Variants in NAF1 observed in about 807,000 individuals in gnomAD.
NAF1 encodes nuclear assembly factor 1 ribonucleoprotein.
In NAF1, 11 loss-of-function variants were observed where a neutral mutation model predicts 40.6. The observed-to-expected ratio is 0.27, with a 90% CI of 0.17 to 0.45. The LOEUF (loss-of-function observed/expected upper bound fraction) is 0.45. Ranked by LOEUF, NAF1 falls within the 20% of genes least tolerant of loss-of-function variation. NAF1 has a pLI of 1.00. For missense variants in NAF1, 607 were observed against 611.1 expected (o/e 0.99, Z 0.07); for synonymous variants, 260 against 228.5 (o/e 1.14, Z -1.24).
At chr4:163,154,023 C>A (rs1337411097) in intron 2 of NAF1, among the ~76,000 whole-genome samples, 2 of 152,110 alleles carry the variant, frequency 1.3e-5, no homozygotes, top group African/African-American at 2.4e-5. Flanking sequence ...TAACACTCAC[C>A]GCGAAGGTCT....
intron 2 of NAF1, among the ~76,000 whole-genome samples, chr4:163,161,194 C>T (rs1732203257): frequency 6.6e-6 from 1 of 152,088 alleles, no homozygotes; most frequent in Non-Finnish European, 1.5e-5. Flanking sequence ...TCAATCTGTC[C>T]AGGCACGGTG....
intron 2 of NAF1, among the ~76,000 whole-genome samples, chr4:163,120,157 T>C (rs577660826): frequency 2.0e-5 from 3 of 152,292 alleles, no homozygotes; most frequent in East Asian, 1.9e-4. Context: ...AGTGCAAATG[T>C]TTCCCAGCAC....
chr4:163,144,063 C>A, intron 4 of NAF1: 1 of 946,992 alleles, frequency 1.1e-6, no homozygotes, highest in Non-Finnish European at 1.3e-6. Context: ...CACATCCTAC[C>A]AAACAAGACA....
intron 2 of NAF1, among the ~76,000 whole-genome samples, chr4:163,148,827 T>C (rs895513235): frequency 6.6e-6 from 1 of 152,174 alleles, no homozygotes; most frequent in Admixed American, 6.5e-5. Context: ...ATAAGTTCTT[T>C]TAGCTGTCTT....
chr4:163,130,431 A>G (rs1428490454), intron 7 of NAF1, among the ~76,000 whole-genome samples: 1 of 152,248 alleles, frequency 6.6e-6, no homozygotes, highest in Non-Finnish European at 1.5e-5. Context: ...TGAACATTAC[A>G]ATAACCAAAA....
In NAF1 at chr4:163,129,179, C is replaced by T. The variant is rs1360853221; in HGVS notation, c.1203G>A (p.Met401Ile). 6.2e-7 allele frequency: 1 copy of T among 1,613,804 alleles called. No homozygotes were observed. Among genetic ancestry groups the T allele is most frequent in the African/African-American group, 1.3e-5 (1 of 74,968 alleles). ...GAAATCCTGAAGTCTCCTGAGATACCATATGTTCTGAGTTATAGAAATGCT... is the reference window on the plus strand; with the variant it reads ...GAAATCCTGAAGTCTCCTGAGATACTATATGTTCTGAGTTATAGAAATGCT... ...PPQHFYNSEHMVSQETSGFPS... is the reference protein window; with the variant it reads ...PPQHFYNSEHIVSQETSGFPS... The change falls in exon 8 of 8, where the codon ATG (methionine) becomes ATA (isoleucine). Residue 401 changes from methionine (M) to isoleucine (I), a missense_variant. Physicochemically the swap from Met to Ile is conservative, Grantham distance 10. This residue lies in a region of NAF1 where 189 missense variants were observed against 216.6 expected (regional missense o/e 0.87). Transcript: ENST00000274054.
downstream of NAF1, among the ~76,000 whole-genome samples, chr4:163,107,100 C>T (rs988758089): frequency 2.0e-5 from 3 of 152,106 alleles, no homozygotes; most frequent in African/African-American, 7.2e-5. Context: ...GATTCTCCTG[C>T]CTTAGCCTCC....
intron 2 of NAF1, among the ~76,000 whole-genome samples, chr4:163,114,204 G>A (rs1730254863): frequency 6.6e-6 from 1 of 152,184 alleles, no homozygotes; most frequent in Non-Finnish European, 1.5e-5. Context: ...AACCACAGAG[G>A]GGATTTGTGG....
downstream of NAF1, among the ~76,000 whole-genome samples, chr4:163,124,250 C>T (rs149628940): frequency 2.2e-3 from 335 of 152,284 alleles, 2 homozygotes; most frequent in African/African-American, 7.8e-3. Flanking sequence ...AAGGCATTAG[C>T]AGGTTTAGTG....
chr4:163,154,081 G>C lies in NAF1; in HGVS notation c.541-5647C>G, dbSNP rs979759680. Among the ~76,000 whole-genome samples, 6 of 152,072 alleles carry C rather than the reference G, an allele frequency of 3.9e-5. No individual in the cohort carries two copies. The East Asian group carries it at 1.2e-3, about 29-fold the overall frequency. Reference sequence around the variant, plus strand: ...AAGACCACGAACCCACCAGAAGGAAGAAACTCCGAACACATCTGAACATCA... The same window carrying C: ...AAGACCACGAACCCACCAGAAGGAACAAACTCCGAACACATCTGAACATCA... On this transcript the variant is annotated intron_variant, in intron 2 of 7. Coordinates refer to ENST00000274054, the MANE Select transcript of NAF1 (RefSeq NM_138386.3).
chr4:163,118,358 A>G (rs1730414080), intron 2 of NAF1, among the ~76,000 whole-genome samples: 1 of 152,254 alleles, frequency 6.6e-6, no homozygotes, highest in Non-Finnish European at 1.5e-5. Flanking sequence ...GATTTAAGCA[A>G]TCAATTACAA....
intron 2 of NAF1, among the ~76,000 whole-genome samples, chr4:163,118,184 A>G (rs959902293): frequency 6.6e-6 from 1 of 152,164 alleles, no homozygotes; most frequent in Non-Finnish European, 1.5e-5. Flanking sequence ...ATAAACCACT[A>G]TACTCTAGAA....
At chr4:163,143,589 C>T (rs1560794447) in intron 4 of NAF1, among the ~76,000 whole-genome samples, 1 of 152,114 alleles carries the variant, frequency 6.6e-6, no homozygotes, top group Non-Finnish European at 1.5e-5. Flanking sequence ...TAGGTAACTC[C>T]CAGTTTTTCT....
In NAF1 at chr4:163,128,992, A is replaced by T. The variant is rs1306908482; in HGVS notation, c.1390T>A (p.Leu464Ile). The change falls in exon 8 of 8, where the codon TTA becomes ATA. Residue 464 changes from leucine to isoleucine, a missense_variant. This residue lies in a region of NAF1 where 189 missense variants were observed against 216.6 expected (regional missense o/e 0.87). Transcript: ENST00000274054. Reference sequence around the variant, plus strand: ...GGGGGTGGGGGTAGGGAGTATGGTAAGTTAAGTAATGGATGAGCAGCCATG... The same window carrying T: ...GGGGGTGGGGGTAGGGAGTATGGTATGTTAAGTAATGGATGAGCAGCCATG... ...PNMAAHPLLN[L>I]PYSLPPPPPP... 7.5e-7 allele frequency: 1 copy of T among 1,341,882 alleles called. No individual in the cohort carries two copies. Among genetic ancestry groups the T allele is most frequent in the Non-Finnish European group, 9.8e-7 (1 of 1,018,056 alleles). 83.1% of individuals were successfully genotyped at this position (1,341,882 alleles called of 1,614,324 possible). A position where few individuals can be genotyped will look rare whatever the true frequency, so the allele number is the denominator to read the frequency against.
At chr4:163,159,605 G>A (rs1732136845) in intron 2 of NAF1, among the ~76,000 whole-genome samples, 2 of 152,080 alleles carry the variant, frequency 1.3e-5, no homozygotes, top group South Asian at 4.1e-4. Context: ...CCACTTGAGT[G>A]GTCCAGATAT....
At chr4:163,112,101 G>C (rs1257946566) in intron 2 of NAF1, among the ~76,000 whole-genome samples, 1 of 152,044 alleles carries the variant, frequency 6.6e-6, no homozygotes, top group Non-Finnish European at 1.5e-5. Flanking sequence ...GAACAGCTCA[G>C]TAGCTGGTGA....
At chr4:163,125,301 C>G (rs1730623667), downstream of NAF1, among the ~76,000 whole-genome samples, 1 of 152,240 alleles carries the variant, frequency 6.6e-6, no homozygotes, top group South Asian at 2.1e-4. Flanking sequence ...ATGTTGACAG[C>G]TGAGGCAAAC....
In NAF1 at chr4:163,166,778, G is replaced by C; in HGVS notation, c.-51C>G. 6.2e-7 allele frequency: 1 copy of C among 1,603,972 alleles called. No individual in the cohort carries two copies. Among genetic ancestry groups the C allele is most frequent in the Non-Finnish European group, 8.5e-7 (1 of 1,176,306 alleles). On this transcript the variant is annotated 5_prime_UTR_variant, in exon 1 of 8. Coordinates refer to ENST00000274054, the MANE Select transcript of NAF1 (RefSeq NM_138386.3). ...CCTCAGGATTGGGGCCCCTGGACAA[G>C]CTCACGGCTCTCTCCAGAAATAGAA...
chr4:163,141,586 T>C (rs1309834561), intron 4 of NAF1, among the ~76,000 whole-genome samples: 3 of 152,194 alleles, frequency 2.0e-5, no homozygotes, highest in Non-Finnish European at 4.4e-5. Flanking sequence ...TTCTTTCTTA[T>C]TGTAGGACAT....
Sources: allele counts gnomAD v4.1 joint callset (sites outside exome capture counted in the v4.1 genomes callset), GRCh38; gene constraint gnomAD v4.1.1; regional missense constraint gnomAD v4.1.1; transcripts MANE v1.5; gene names NCBI Gene and HGNC (gene_info 2026-07-23, HGNC 2026-07-21).